The following MTMR2 variants were observed in gnomAD, a reference collection of about 807,000 sequenced individuals.
MTMR2 encodes phosphatidylinositol-3,5-bisphosphate 3-phosphatase MTMR2.
Under a neutral mutation model 86.9 loss-of-function variants are expected in MTMR2, and 55 were observed. The ratio of observed to expected loss-of-function variants is 0.63; its 90% CI spans 0.51 to 0.79. The LOEUF (loss-of-function observed/expected upper bound fraction) is 0.79, where lower values mean the gene tolerates loss of function less well. MTMR2 is among the 30% of genes least tolerant of loss of function. MTMR2 has a pLI of 0.00. For missense variants in MTMR2, 659 were observed against 772.3 expected (o/e 0.85, Z 1.74); for synonymous variants, 241 against 266.8 (o/e 0.90, Z 0.94).
chr11:95,873,323 G>C (rs1212990268), intron 2 of MTMR2, among the ~76,000 whole-genome samples: 1 of 152,092 alleles, frequency 6.6e-6, no homozygotes, highest in Admixed American at 6.5e-5. Flanking sequence ...ACTTCTTCCT[G>C]GTTTAGCCTT....
intron 1 of MTMR2, among the ~76,000 whole-genome samples, chr11:95,894,214 C>G (rs911928353): frequency 3.3e-5 from 5 of 152,094 alleles, no homozygotes; most frequent in Admixed American, 3.3e-4. Context: ...GTAGACATAC[C>G]TACTGCTTCT....
At chr11:95,923,198 G>C (rs10765775) in intron 1 of MTMR2, among the ~76,000 whole-genome samples, 1 of 151,778 alleles carries the variant, frequency 6.6e-6, no homozygotes, top group Non-Finnish European at 1.5e-5. Flanking sequence ...AGAACCAGTA[G>C]CCCAAGAAGG....
intron 1 of MTMR2, among the ~76,000 whole-genome samples, chr11:95,922,138 T>C (rs1483595322): frequency 1.3e-5 from 2 of 152,212 alleles, no homozygotes; most frequent in East Asian, 3.8e-4. Flanking sequence ...ACAGATTTTC[T>C]AGATCAAGCT....
rs1474890751 is a variant in MTMR2, at chr11:95,834,108, A to G, written c.*1182T>C. 1 of 152,540 alleles carries G rather than the reference A, an allele frequency of 6.6e-6. No individual in the cohort carries two copies. Among genetic ancestry groups the G allele is most frequent in the Non-Finnish European group, 1.5e-5 (1 of 67,998 alleles). 9.4% of individuals were successfully genotyped at this position (152,540 alleles called of 1,614,324 possible). ...AGAACAAAGTTTAAAAGTCAGTTGG[A>G]ATTTCTTTTAATTAAAAGACCAAGG... On this transcript the variant is annotated 3_prime_UTR_variant, in exon 15 of 15. Transcript: ENST00000346299.
At chr11:95,867,960 T>C (rs984143595) in intron 2 of MTMR2, among the ~76,000 whole-genome samples, 2 of 152,086 alleles carry the variant, frequency 1.3e-5, no homozygotes, top group Non-Finnish European at 2.9e-5. Context: ...AAATAAGCCA[T>C]ATTTTCTAAT....
intron 12 of MTMR2, 145 bp downstream of exon 12, chr11:95,841,472 G>T: frequency 1.4e-6 from 1 of 731,042 alleles, no homozygotes. Flanking sequence ...TTCATAATGT[G>T]ACAATAAATA....
intron 1 of MTMR2, among the ~76,000 whole-genome samples, chr11:95,919,085 T>C (rs1866815851): frequency 6.6e-6 from 1 of 152,180 alleles, no homozygotes; most frequent in South Asian, 2.1e-4. Flanking sequence ...AATCCCAAAC[T>C]GTTCAGCCTC....
Position 95,834,679 on chromosome 11 carries a change from C to T in MTMR2, c.*611G>A, listed in dbSNP as rs1863175039. The T allele has an allele frequency of 6.5e-6, 1 of 154,592 alleles. No homozygotes were observed. Among genetic ancestry groups the T allele is most frequent in the African/African-American group, 2.4e-5 (1 of 41,384 alleles). 9.6% of individuals were successfully genotyped at this position (154,592 alleles called of 1,614,324 possible). On this transcript the variant is annotated 3_prime_UTR_variant, in exon 15 of 15. Coordinates refer to ENST00000346299, the MANE Select transcript of MTMR2 (RefSeq NM_016156.6). ...ATTTTGGATCAACTTGCTAATATGT[C>T]TTAAGTATGTAAATAATGACGGCAA...
chr11:95,853,795 T>G (rs992193421), intron 7 of MTMR2, among the ~76,000 whole-genome samples: 13 of 152,340 alleles, frequency 8.5e-5, no homozygotes, highest in African/African-American at 3.1e-4. Flanking sequence ...GATAAATGCA[T>G]GAATGAATAA....
chr11:95,861,092 G>A (rs1307834527), intron 5 of MTMR2, among the ~76,000 whole-genome samples: 8 of 151,380 alleles, frequency 5.3e-5, no homozygotes, highest in African/African-American at 1.9e-4. Context: ...CCCAGGAGAC[G>A]GAGCTTGCAG....
At chr11:95,867,111 A>G (rs908848068) in intron 2 of MTMR2, among the ~76,000 whole-genome samples, 1 of 152,196 alleles carries the variant, frequency 6.6e-6, no homozygotes, top group Non-Finnish European at 1.5e-5. Context: ...TTAGACCCAA[A>G]GATAACAAAA....
intron 1 of MTMR2, among the ~76,000 whole-genome samples, chr11:95,910,326 C>T (rs1475125222): frequency 1.3e-5 from 2 of 152,066 alleles, no homozygotes; most frequent in South Asian, 2.1e-4. Flanking sequence ...ATCACAGCAA[C>T]ACCTGAAGGT....
In MTMR2 at chr11:95,923,994, T is replaced by C; in HGVS notation, c.-40A>G. On this transcript the variant is annotated 5_prime_UTR_variant, in exon 1 of 15. Coordinates refer to ENST00000346299, the MANE Select transcript of MTMR2 (RefSeq NM_016156.6). Reference sequence around the variant, plus strand: ...AGCACAGGGAAAGGCTGAAGCAGTCTTCGCGGCTACAGGGCGGGAGAAGCG... The same window carrying C: ...AGCACAGGGAAAGGCTGAAGCAGTCCTCGCGGCTACAGGGCGGGAGAAGCG... The C allele has an allele frequency of 6.4e-7, 1 of 1,550,662 alleles. No homozygotes were observed. Among genetic ancestry groups the C allele is most frequent in the South Asian group, 1.2e-5 (1 of 84,098 alleles).
At chr11:95,866,019 G>A (rs1289758292) in intron 2 of MTMR2, among the ~76,000 whole-genome samples, 3 of 152,152 alleles carry the variant, frequency 2.0e-5, no homozygotes, top group Admixed American at 2.0e-4. Flanking sequence ...GTGGTAATTA[G>A]TTCAAGATCA....
intron 2 of MTMR2, among the ~76,000 whole-genome samples, chr11:95,878,873 A>T (rs1307244159): frequency 6.6e-6 from 1 of 152,144 alleles, no homozygotes; most frequent in East Asian, 1.9e-4. Context: ...CTTTCATTTC[A>T]CCTCATACCA....
intron 1 of MTMR2, among the ~76,000 whole-genome samples, chr11:95,893,803 T>C (rs1049735671): frequency 3.3e-5 from 5 of 152,152 alleles, no homozygotes; most frequent in African/African-American, 1.2e-4. Context: ...ATATCTTCTC[T>C]CTATCCTACT....
intron 5 of MTMR2, among the ~76,000 whole-genome samples, chr11:95,859,803 C>T (rs1038969680): frequency 6.6e-6 from 1 of 152,226 alleles, no homozygotes; most frequent in Non-Finnish European, 1.5e-5. Context: ...CTCTCCACTA[C>T]AGTGTACCCA....
chr11:95,898,746 T>C lies in MTMR2; in HGVS notation c.81-10485A>G, dbSNP rs576074090. On this transcript the variant is annotated intron_variant, in intron 1 of 14. Coordinates refer to ENST00000346299, the MANE Select transcript of MTMR2 (RefSeq NM_016156.6). ...AGAGACCACCTAACAATGCTGTATA[T>C]GAAAAGTTCATATAAAGTTTTAATT... is the stretch of plus-strand genomic sequence containing the variant. Among the ~76,000 whole-genome samples, 155 of 152,282 alleles carry C rather than the reference T, an allele frequency of 1.0e-3. 1 individual carries two copies. Among genetic ancestry groups the C allele is most frequent in the African/African-American group, 3.6e-3 (149 of 41,560 alleles).
chr11:95,875,000 C>G (rs1865050041), intron 2 of MTMR2, among the ~76,000 whole-genome samples: 1 of 152,092 alleles, frequency 6.6e-6, no homozygotes, highest in South Asian at 2.1e-4. Context: ...TGTGGATAAC[C>G]TGACCTTTCT....
Sources: gnomAD v4.1 joint callset for allele counts (sites outside exome capture counted in the v4.1 genomes callset) on GRCh38, gnomAD v4.1.1 for gene constraint, MANE v1.5 for transcripts, NCBI Gene and HGNC (gene_info 2026-07-23, HGNC 2026-07-21) for gene names.